HS2ST1: variants seen among roughly 807,000 people sequenced by gnomAD.
The protein encoded by HS2ST1 is heparan sulfate 2-O-sulfotransferase 1.
HS2ST1 carries 18 observed loss-of-function variants against 42.9 expected under a neutral mutation model. The ratio of observed to expected loss-of-function variants is 0.42; its 90% confidence interval spans 0.29 to 0.62. The LOEUF is 0.62. Among genes scored for constraint, HS2ST1 ranks in the 20% least tolerant of loss-of-function variants. HS2ST1 has a pLI of 0.21. For synonymous variants in HS2ST1, 146 were observed against 152.9 expected, an observed-to-expected ratio of 0.95 and a Z score of 0.33; for missense variants, 334 against 433.8, an observed-to-expected ratio of 0.77 and a Z score of 2.04.
At chr1:86,956,452 G>A (rs780856147) in intron 1 of HS2ST1, 4 of 152,324 alleles carry the variant, frequency 2.6e-5, no homozygotes, top group Middle Eastern at 3.4e-3. Flanking sequence ...TAGCTGGAAA[G>A]ATAGCTTAAA....
At chr1:87,033,150 A>G (rs1463539996) in intron 1 of HS2ST1, among the ~76,000 whole-genome samples, 1 of 152,242 alleles carries the variant, frequency 6.6e-6, no homozygotes, top group Non-Finnish European at 1.5e-5. Flanking sequence ...TAAGTAGAAT[A>G]GTAAAATATA....
intron 1 of HS2ST1, among the ~76,000 whole-genome samples, chr1:87,021,165 C>T (rs1052011943): frequency 6.6e-6 from 1 of 152,128 alleles, no homozygotes; most frequent in African/African-American, 2.4e-5. Flanking sequence ...AAAAAAATTA[C>T]CAGCAGGCCT....
intron 1 of HS2ST1, among the ~76,000 whole-genome samples, chr1:86,950,128 T>A (rs1778004): frequency 0.24 from 36,113 of 152,038 alleles, 5,016 homozygotes; most frequent in African/African-American, 0.38. Context: ...CTTAATGCTC[T>A]AACTTAACAT....
chr1:87,101,149 GTTTTTTGTTTTTTTTTTTT>G (rs1314844028), intron 5 of HS2ST1, among the ~76,000 whole-genome samples: 31 of 59,538 alleles, frequency 5.2e-4, no homozygotes, highest in East Asian at 1.2e-3. Flanking sequence ...GTGTGTGTGT[GTTTTTTGTTTTTTTTTTTT>G]TTTTTTTTTT....
chr1:87,005,402 A>G (rs2100573213), intron 1 of HS2ST1, among the ~76,000 whole-genome samples: 1 of 151,734 alleles, frequency 6.6e-6, no homozygotes, highest in South Asian at 2.1e-4. Context: ...TGACTCTTAA[A>G]TCATTATATT....
intron 1 of HS2ST1, among the ~76,000 whole-genome samples, chr1:87,018,454 A>G (rs1649826176): frequency 6.6e-6 from 1 of 152,158 alleles, no homozygotes; most frequent in African/African-American, 2.4e-5. Flanking sequence ...GTTTTGTAGC[A>G]GAGTAACTCT....
At chr1:87,014,094 G>A (rs530516217) in intron 1 of HS2ST1, among the ~76,000 whole-genome samples, 1 of 152,306 alleles carries the variant, frequency 6.6e-6, no homozygotes, top group South Asian at 2.1e-4. Context: ...TTTCAAAGTA[G>A]CTTCCACATT....
intron 1 of HS2ST1, among the ~76,000 whole-genome samples, chr1:87,027,863 A>AT (rs1445821928): frequency 6.6e-6 from 1 of 152,116 alleles, no homozygotes; most frequent in Non-Finnish European, 1.5e-5. Flanking sequence ...TGATTTTTGT[A>AT]TTTTTTAATA....
intron 1 of HS2ST1, among the ~76,000 whole-genome samples, chr1:87,006,646 A>G (rs1473411798): frequency 6.6e-6 from 1 of 152,140 alleles, no homozygotes; most frequent in Non-Finnish European, 1.5e-5. Flanking sequence ...TTGATCCATT[A>G]TACATGAAAT....
intron 1 of HS2ST1, among the ~76,000 whole-genome samples, chr1:86,998,085 C>A (rs1191117318): frequency 6.6e-6 from 1 of 152,162 alleles, no homozygotes; most frequent in Non-Finnish European, 1.5e-5. Context: ...GAAGGTAAGA[C>A]CTACTTAGAG....
intron 1 of HS2ST1, among the ~76,000 whole-genome samples, chr1:87,013,979 A>G (rs980776741): frequency 3.3e-5 from 5 of 152,154 alleles, no homozygotes; most frequent in Non-Finnish European, 5.9e-5. Context: ...GATGAGCAGC[A>G]TTTGAACAAA....
At chr1:87,026,886 G>T (rs1055664863) in intron 1 of HS2ST1, among the ~76,000 whole-genome samples, 6 of 151,914 alleles carry the variant, frequency 3.9e-5, no homozygotes, top group African/African-American at 1.5e-4. Context: ...AATTGTAAGG[G>T]GACCCATTCA....
chr1:87,003,532 C>G (rs962429080), intron 1 of HS2ST1, among the ~76,000 whole-genome samples: 1 of 152,088 alleles, frequency 6.6e-6, no homozygotes, highest in African/African-American at 2.4e-5. Context: ...GAACAAAAAG[C>G]GTCAATTTTT....
chr1:87,098,539 A>T (rs1652123775), intron 5 of HS2ST1: 1 of 233,606 alleles, frequency 4.3e-6, no homozygotes, highest in African/African-American at 2.3e-5. Flanking sequence ...AAAGGAACAT[A>T]TTCAAAGTTT....
intron 1 of HS2ST1, among the ~76,000 whole-genome samples, chr1:86,965,221 A>G (rs1046274739): frequency 9.9e-5 from 15 of 152,086 alleles, no homozygotes; most frequent in Non-Finnish European, 1.5e-4. Context: ...CTGACCATCT[A>G]CTGGCTCTCT....
intron 2 of HS2ST1, among the ~76,000 whole-genome samples, chr1:87,076,394 C>T (rs1651545927): frequency 3.3e-5 from 5 of 152,006 alleles, no homozygotes; most frequent in Admixed American, 1.3e-4. Context: ...TATGTATGTG[C>T]ATACATAGAG....
intron 1 of HS2ST1, among the ~76,000 whole-genome samples, chr1:86,939,150 T>G (rs1046746593): frequency 1.3e-5 from 2 of 152,200 alleles, no homozygotes; most frequent in African/African-American, 4.8e-5. Flanking sequence ...GATGAACCAT[T>G]TTCATCATTA....
chr1:86,976,615 T>C (rs1158404089), intron 1 of HS2ST1, among the ~76,000 whole-genome samples: 1 of 149,540 alleles, frequency 6.7e-6, no homozygotes, highest in Non-Finnish European at 1.5e-5. Flanking sequence ...ATATTCAAAT[T>C]AAATGCTATG....
In HS2ST1 at chr1:87,094,783, T is replaced by G. The variant is rs141600571; in HGVS notation, c.588+2114T>G. 5.4e-3 allele frequency among the ~76,000 whole-genome samples: 821 copies of G among 152,268 alleles called. 4 individuals carry two copies. The highest frequency in any genetic ancestry group is 0.024 in the Middle Eastern group (7 of 294). On this transcript the variant is annotated intron_variant, in intron 4 of 6. Transcript: ENST00000370550. ...CTGGAGCTTTATCTGTTCTTCACCC[T>G]GACTATAATAAGGCCTGGGGTTTTG...
Sources: gnomAD v4.1 joint callset for allele counts (sites outside exome capture counted in the v4.1 genomes callset) on GRCh38, gnomAD v4.1.1 for gene constraint, MANE v1.5 for transcripts, NCBI Gene and HGNC (gene_info 2026-07-23, HGNC 2026-07-21) for gene names.